Variants in CDH18 observed in about 807,000 individuals in gnomAD.
The protein encoded by CDH18 is cadherin-18.
In CDH18, 31 loss-of-function variants were observed where a neutral mutation model predicts 67.9. The ratio of observed to expected loss-of-function variants is 0.46; its 90% confidence interval spans 0.34 to 0.62. The LOEUF (loss-of-function observed/expected upper bound fraction) is 0.62, where lower values mean the gene tolerates loss of function less well. Ranked by LOEUF, CDH18 falls within the 20% of genes least tolerant of loss-of-function variation. CDH18 has a pLI of 0.01. For missense variants in CDH18, 890 were observed against 975.5 expected, an observed-to-expected ratio of 0.91 and a Z score of 1.17; for synonymous variants, 362 against 347.2, an observed-to-expected ratio of 1.04 and a Z score of -0.48.
intron 1 of CDH18, among the ~76,000 whole-genome samples, chr5:20,510,484 A>G (rs1011720452): frequency 3.3e-5 from 5 of 152,132 alleles, no homozygotes; most frequent in African/African-American, 1.2e-4. Flanking sequence ...CACTGTGTAT[A>G]TATAACTATT....
At chr5:19,996,293 T>C (rs536788692) in intron 2 of CDH18, among the ~76,000 whole-genome samples, 1 of 152,212 alleles carries the variant, frequency 6.6e-6, no homozygotes, top group Admixed American at 6.5e-5. Context: ...CACTAGAAGT[T>C]CTTATGCAAT....
chr5:19,597,027 C>T (rs1746286101), intron 6 of CDH18, among the ~76,000 whole-genome samples: 1 of 152,164 alleles, frequency 6.6e-6, no homozygotes, highest in Non-Finnish European at 1.5e-5. Context: ...CAAAAGTAAT[C>T]GGACATCTCT....
chr5:19,874,498 G>T (rs559051487), intron 2 of CDH18, among the ~76,000 whole-genome samples: 1 of 152,064 alleles, frequency 6.6e-6, no homozygotes, highest in African/African-American at 2.4e-5. Flanking sequence ...TTTGTTCAAA[G>T]ATAACAGTGA....
At chr5:19,709,278 A>G (rs1010248113) in intron 5 of CDH18, among the ~76,000 whole-genome samples, 2 of 152,258 alleles carry the variant, frequency 1.3e-5, no homozygotes, top group South Asian at 4.1e-4. Flanking sequence ...ATTTTAAAGA[A>G]AAGGCTTGGC....
At chr5:19,667,737 T>C (rs1377916926) in intron 5 of CDH18, among the ~76,000 whole-genome samples, 2 of 151,804 alleles carry the variant, frequency 1.3e-5, no homozygotes, top group South Asian at 2.1e-4. Context: ...AAGTTTTATA[T>C]ATTTTCATAT....
At position 19,593,696 on chromosome 5, in the gene CDH18, T is replaced by TTCCTCCTCCTCCTCCTCCTCC. The variant is rs1436673465; in HGVS notation, c.812-2453_812-2452insGGAGGAGGAGGAGGAGGAGGA. ...CTTCTTCCTCCTCCTTCTCTTCCTC[T>TTCCTCCTCCTCCTCCTCCTCC]TCCTCCTCCTCCTTCTTCTTCTTCT... On this transcript the variant is annotated intron_variant, in intron 6 of 12. Coordinates refer to ENST00000382275, the MANE Select transcript of CDH18 (RefSeq NM_004934.5). Among the ~76,000 whole-genome samples the TTCCTCCTCCTCCTCCTCCTCC allele has an allele frequency of 2.4e-4, 4 of 16,824 alleles. 1 individual carries two copies. Among genetic ancestry groups the TTCCTCCTCCTCCTCCTCCTCC allele is most frequent in the African/African-American group, 4.3e-4 (4 of 9,400 alleles). 11.0% of individuals were successfully genotyped at this position (16,824 alleles called of 152,430 possible).
intron 5 of CDH18, among the ~76,000 whole-genome samples, chr5:19,706,144 A>G (rs150874337): frequency 2.6e-5 from 4 of 152,198 alleles, no homozygotes; most frequent in South Asian, 2.1e-4. Flanking sequence ...CACACAATTA[A>G]CTGAAAATGC....
chr5:19,515,897 T>C (rs1286325388), intron 10 of CDH18, among the ~76,000 whole-genome samples: 1 of 152,054 alleles, frequency 6.6e-6, no homozygotes. Context: ...TGAATAGGAG[T>C]GGTGAGAGAG....
intron 2 of CDH18, among the ~76,000 whole-genome samples, chr5:20,237,564 G>A (rs1508577): frequency 0.7 from 106,161 of 151,444 alleles, 37,858 homozygotes; most frequent in African/African-American, 0.85. Context: ...CATTTATAAC[G>A]AAATTAAAAA....
intron 2 of CDH18, among the ~76,000 whole-genome samples, chr5:19,928,529 C>G (rs574041824): frequency 2.0e-5 from 3 of 152,024 alleles, no homozygotes; most frequent in Non-Finnish European, 4.4e-5. Context: ...GTACATGGAA[C>G]GTAGCATGTA....
intron 10 of CDH18, among the ~76,000 whole-genome samples, chr5:19,509,783 T>C (rs111725444): frequency 6.6e-6 from 1 of 152,202 alleles, no homozygotes; most frequent in African/African-American, 2.4e-5. Context: ...GTTTCCACTT[T>C]AGGCATATCT....
intron 1 of CDH18, among the ~76,000 whole-genome samples, chr5:20,524,156 C>G (rs1755907408): frequency 1.3e-5 from 2 of 152,150 alleles, no homozygotes; most frequent in African/African-American, 4.8e-5. Flanking sequence ...CACTAAAGCA[C>G]CACTCACTAC....
chr5:20,111,546 C>CTTTTTTT (rs760458451), intron 2 of CDH18, among the ~76,000 whole-genome samples: 18 of 51,886 alleles, frequency 3.5e-4, no homozygotes, highest in Non-Finnish European at 4.9e-4. Flanking sequence ...TTCCTTCTTT[C>CTTTTTTT]TTTTTTTTTT....
At chr5:19,690,882 C>T (rs749856060) in intron 5 of CDH18, among the ~76,000 whole-genome samples, 3 of 151,792 alleles carry the variant, frequency 2.0e-5, no homozygotes, top group Non-Finnish European at 4.4e-5. Context: ...TCAAATTATT[C>T]TCAAAAATTG....
At chr5:20,471,480 G>A (rs1395721387) in intron 1 of CDH18, among the ~76,000 whole-genome samples, 1 of 151,954 alleles carries the variant, frequency 6.6e-6, no homozygotes, top group Non-Finnish European at 1.5e-5. Flanking sequence ...CCCATTCACT[G>A]AGTAAAAAGC....
chr5:19,944,307 C>T (rs960013629), intron 2 of CDH18, among the ~76,000 whole-genome samples: 43 of 152,012 alleles, frequency 2.8e-4, no homozygotes, highest in African/African-American at 8.9e-4. Flanking sequence ...TCTACCTATT[C>T]CACTTAATTT....
At position 19,875,395 on chromosome 5, in the gene CDH18, TATAGATAGATAGATAGATAG is replaced by T. The variant is rs56837232; in HGVS notation, c.-256-36173_-256-36154del. The stretch of plus-strand genomic sequence containing the variant: ...AATATTCTTCTATTTCTTCCATGGG[TATAGATAGATAGATAGATAG>T]ATAGATAGATAGATAGATAGATAGA... On this transcript the variant is annotated intron_variant, in intron 2 of 12. Coordinates refer to ENST00000382275, the MANE Select transcript of CDH18 (RefSeq NM_004934.5). 5.4e-5 allele frequency among the ~76,000 whole-genome samples: 8 copies of T among 147,742 alleles called. No homozygotes were observed. The South Asian group carries it at 1.1e-3, about 20-fold the overall frequency.
chr5:20,464,423 G>T (rs542341652), intron 1 of CDH18, among the ~76,000 whole-genome samples: 1 of 151,598 alleles, frequency 6.6e-6, no homozygotes, highest in Admixed American at 6.6e-5. Context: ...CTTGGAAATA[G>T]TAAGATTTTG....
intron 2 of CDH18, among the ~76,000 whole-genome samples, chr5:20,097,630 A>G (rs1429291684): frequency 6.6e-6 from 1 of 152,120 alleles, no homozygotes; most frequent in Non-Finnish European, 1.5e-5. Context: ...TCGGTTATTT[A>G]TATTATAATC....
Sources: gnomAD v4.1 joint callset for allele counts (sites outside exome capture counted in the v4.1 genomes callset) on GRCh38, gnomAD v4.1.1 for gene constraint, MANE v1.5 for transcripts, NCBI Gene and HGNC (gene_info 2026-07-23, HGNC 2026-07-21) for gene names.